The following NRP2 variants were observed in gnomAD, a reference collection of about 807,000 sequenced individuals.
The protein encoded by NRP2 is neuropilin-2.
A neutral mutation model predicts 110.4 loss-of-function variants in NRP2; 52 were observed. The ratio of observed to expected loss-of-function variants is 0.47; its 90% CI spans 0.38 to 0.59. NRP2 has a LOEUF of 0.59. NRP2 is among the 20% of genes least tolerant of loss of function. NRP2 has a pLI of 0.00. For synonymous variants in NRP2, 508 were observed against 468.9 expected (o/e 1.08, Z -1.08); for missense variants, 1,049 against 1,203.0 (o/e 0.87, Z 1.89).
Position 205,726,056 on chromosome 2 carries a change from T to A in NRP2, c.964T>A (p.Leu322Met), listed in dbSNP as rs200002477. 1.2e-6 allele frequency: 2 copies of A among 1,614,162 alleles called. No homozygotes were observed. Among genetic ancestry groups the A allele is most frequent in the African/African-American group, 2.7e-5 (2 of 75,028 alleles). ...TGATGACAATGGCTGGACCCCCAAC[T>A]TGGATTCCAACAAGGAGTATCTCCA... ...HGDDNGWTPN[L>M]DSNKEYLQVD... Residue 322 changes from leucine (L) to methionine (M), a missense_variant, in exon 6 of 17, where the codon TTG becomes ATG. By Grantham distance (15) the Leu-to-Met change is conservative. Transcript: ENST00000357785.
intron 6 of NRP2, 22 bp downstream of exon 6, chr2:205,726,104 G>T: frequency 6.2e-7 from 1 of 1,613,704 alleles, no homozygotes; most frequent in Non-Finnish European, 8.5e-7. Context: ...GATACCAGAG[G>T]ATGTGAGAGT....
Position 205,725,795 on chromosome 2 carries a change from G to A in NRP2, c.821-118G>A, listed in dbSNP as rs1204036419. 3.3e-5 allele frequency: 32 copies of A among 964,378 alleles called. No individual in the cohort carries two copies. In the East Asian group the frequency reaches 7.8e-4, roughly 23 times the overall value. 59.7% of individuals were successfully genotyped at this position (964,378 alleles called of 1,614,324 possible). A position where few individuals can be genotyped will look rare whatever the true frequency, so the allele number is the denominator to read the frequency against. On this transcript the variant is annotated intron_variant, in intron 5 of 16. Transcript: ENST00000357785. This position sits in a 1 kb window ranked among gnomAD's most constrained non-coding sequence, Gnocchi z 4.1. ...TTTAAAATGTGAGCATATAATTAGG[G>A]TCTTTTAAATGAGGAAGTGCCTGCA...
chr2:205,776,573 A>G lies in NRP2; in HGVS notation c.2425+9770A>G, dbSNP rs369104291. On this transcript the variant is annotated intron_variant, in intron 15 of 16. Coordinates refer to ENST00000357785, the MANE Select transcript of NRP2 (RefSeq NM_003872.3). Reference sequence around the variant, plus strand: ...CCAAAACAAACGAGAAAGACTGCAAACATGTTGCCTCGATTTTGCACTTTT... The same window carrying G: ...CCAAAACAAACGAGAAAGACTGCAAGCATGTTGCCTCGATTTTGCACTTTT... 2.6e-5 allele frequency: 42 copies of G among 1,599,914 alleles called. No individual in the cohort carries two copies. In the African/African-American group the frequency reaches 5.2e-4, roughly 20 times the overall value.
At chr2:205,774,603 G>A (rs1194486247) in intron 15 of NRP2, among the ~76,000 whole-genome samples, 4 of 152,208 alleles carry the variant, frequency 2.6e-5, no homozygotes, top group Non-Finnish European at 5.9e-5. Context: ...TACAGCAGGA[G>A]AAAGCAGTGA....
chr2:205,763,750 C>T lies in NRP2; in HGVS notation c.2121C>T (p.Val707=). 5 of 1,614,234 alleles carry T rather than the reference C, an allele frequency of 3.1e-6. No homozygotes were observed. The highest frequency in any genetic ancestry group is 4.2e-6 in the Non-Finnish European group (5 of 1,180,042). The change falls in exon 13 of 17, where the codon GTC becomes GTT. Residue 707 remains valine, a synonymous_variant. Transcript: ENST00000357785. This position sits in a 1 kb window ranked among gnomAD's most constrained non-coding sequence, Gnocchi z 4.0. Reference sequence around the variant, plus strand: ...ATGCCCGGCTCATCAGCCCCCCTGTCCACCTGCCCCGAAGCCCGGTGTGCA... The same window carrying T: ...ATGCCCGGCTCATCAGCCCCCCTGTTCACCTGCCCCGAAGCCCGGTGTGCA... ...GQYARLISPP[V]HLPRSPVCME...
At chr2:205,768,781 T>C (rs1216375386) in intron 15 of NRP2, among the ~76,000 whole-genome samples, 1 of 152,176 alleles carries the variant, frequency 6.6e-6, no homozygotes, top group Non-Finnish European at 1.5e-5. Context: ...GGCCATGGCT[T>C]TCGTCCTGGA....
chr2:205,716,095 C>T, intron 2 of NRP2, 98 bp from the exon 3 acceptor site: 2 of 1,318,952 alleles, frequency 1.5e-6, no homozygotes, highest in Non-Finnish European at 2.2e-6. Flanking sequence ...AACACCTTAA[C>T]TTCTGCAAAT....
rs1421378927 is a variant in NRP2 at position 205,796,280 on chromosome 2, T to C, written c.*1222T>C. The C allele has an allele frequency of 6.6e-6, 1 of 152,312 alleles. No individual in the cohort carries two copies. The highest frequency in any genetic ancestry group is 1.5e-5 in the Non-Finnish European group (1 of 68,016). 9.4% of individuals were successfully genotyped at this position (152,312 alleles called of 1,614,324 possible). On this transcript the variant is annotated 3_prime_UTR_variant, in exon 17 of 17. Coordinates refer to ENST00000357785, the MANE Select transcript of NRP2 (RefSeq NM_003872.3). ...TGGGTTACAAACACCATTTCAACCT[T>C]TCGGGAGAGTCAGAGCTAGGATGTA...
chr2:205,732,510 C>T (rs186572147), intron 7 of NRP2, among the ~76,000 whole-genome samples: 2 of 152,330 alleles, frequency 1.3e-5, no homozygotes, highest in East Asian at 3.9e-4. Flanking sequence ...TTAGTGGCTG[C>T]ACGCCTCAGC....
intron 12 of NRP2, 138 bp downstream of exon 12, chr2:205,753,113 T>C: frequency 7.5e-6 from 9 of 1,200,256 alleles, no homozygotes; most frequent in Non-Finnish European, 9.7e-6. Flanking sequence ...ACCACCACAG[T>C]CTTTGCTCAA....
chr2:205,688,870 C>A (rs5837990), intron 1 of NRP2, among the ~76,000 whole-genome samples: 1 of 142,798 alleles, frequency 7.0e-6, no homozygotes, highest in East Asian at 2.2e-4. Flanking sequence ...ACAAAAAAAA[C>A]AAAAAAACCC....
intron 11 of NRP2, among the ~76,000 whole-genome samples, chr2:205,750,212 C>T (rs2057618797): frequency 6.6e-6 from 1 of 152,178 alleles, no homozygotes; most frequent in Non-Finnish European, 1.5e-5. Flanking sequence ...ATAGTTTTTC[C>T]TGTTAAGCTG....
chr2:205,773,019 C>A (rs192616543), intron 15 of NRP2, among the ~76,000 whole-genome samples: 1 of 152,338 alleles, frequency 6.6e-6, no homozygotes. Context: ...ATCCATCCAC[C>A]TATCTATTCA....
chr2:205,717,637 C>T (rs1353861508), intron 3 of NRP2, among the ~76,000 whole-genome samples: 2 of 152,186 alleles, frequency 1.3e-5, no homozygotes, highest in African/African-American at 4.8e-5. Context: ...TTTTCATGCT[C>T]CTGACTATGA....
chr2:205,774,665 T>A (rs755076981), intron 15 of NRP2, among the ~76,000 whole-genome samples: 9 of 152,150 alleles, frequency 5.9e-5, no homozygotes, highest in Non-Finnish European at 1.3e-4. Flanking sequence ...AGAAAAATGT[T>A]CTCATTTTTC....
At chr2:205,731,316 T>A (rs1248325812) in intron 7 of NRP2, among the ~76,000 whole-genome samples, 1 of 152,254 alleles carries the variant, frequency 6.6e-6, no homozygotes, top group African/African-American at 2.4e-5. Context: ...ACACCCTAGA[T>A]GCAGACATGG....
In NRP2 at chr2:205,743,834, C is replaced by G. The variant is rs2057489778; in HGVS notation, c.1641+282C>G. On this transcript the variant is annotated intron_variant, in intron 9 of 16. Coordinates refer to ENST00000357785, the MANE Select transcript of NRP2 (RefSeq NM_003872.3). The stretch of plus-strand genomic sequence containing the variant: ...TCTCGGCTCACTGCAACCTCCGCCT[C>G]CAGGGTTCAAGCGATTCTCCAGCCT... 6.4e-6 allele frequency: 3 copies of G among 465,614 alleles called. No homozygotes were observed. In the South Asian group the frequency reaches 8.3e-5, roughly 13 times the overall value. The allele number at this position is 465,614 out of a possible 1,614,324, so 28.8% of individuals were successfully genotyped here.
At chr2:205,718,892 A>G (rs2056955512) in intron 3 of NRP2, among the ~76,000 whole-genome samples, 1 of 151,786 alleles carries the variant, frequency 6.6e-6, no homozygotes. Flanking sequence ...CAGTGAGCCG[A>G]GATCATGCCA....
intron 2 of NRP2, among the ~76,000 whole-genome samples, chr2:205,708,574 GA>G (rs891499254): frequency 6.6e-6 from 1 of 152,240 alleles, no homozygotes; most frequent in African/African-American, 2.4e-5. Context: ...GCTCCATGAG[GA>G]ACAATGAGAT....
Sources: gnomAD v4.1 joint callset for allele counts (sites outside exome capture counted in the v4.1 genomes callset) on GRCh38, gnomAD v4.1.1 for gene constraint, Gnocchi (gnomAD v3.1) non-coding constraint, MANE v1.5 for transcripts, NCBI Gene and HGNC (gene_info 2026-07-23, HGNC 2026-07-21) for gene names.